The following DOCK3 variants were observed in gnomAD, a reference collection of about 807,000 sequenced individuals.
The protein encoded by DOCK3 is dedicator of cytokinesis 3, also known as dedicator of cytokinesis protein 3.
Under a neutral mutation model 265.6 loss-of-function variants are expected in DOCK3, and 60 were observed. That is an observed-to-expected ratio of 0.23 (90% CI 0.18 to 0.28). DOCK3 has a LOEUF of 0.28. Ranked by LOEUF, DOCK3 falls within the 10% of genes least tolerant of loss-of-function variation. The pLI, the probability that DOCK3 is intolerant of heterozygous loss-of-function variation, is 1.00. For missense variants in DOCK3, 1,981 were observed against 2,594.3 expected (o/e 0.76, Z 5.14); for synonymous variants, 881 against 938.0 (o/e 0.94, Z 1.11).
intron 1 of DOCK3, among the ~76,000 whole-genome samples, chr3:50,725,941 A>G (rs2033840857): frequency 6.6e-6 from 1 of 152,168 alleles, no homozygotes; most frequent in Non-Finnish European, 1.5e-5. Flanking sequence ...AAAATTCCCA[A>G]GTGATTCTTA....
Position 50,930,718 on chromosome 3 carries a change from G to A in DOCK3, c.219-3263G>A, listed in dbSNP as rs982169626. Among the ~76,000 whole-genome samples, 4 of 152,210 alleles carry A rather than the reference G, an allele frequency of 2.6e-5. No homozygotes were observed. The South Asian group carries it at 8.3e-4, about 32-fold the overall frequency. ...GATCACAGGCCTCGGGCCGGCAATTGGGAGTGATACTGTGCAGACCCTTAT... is the reference window on the plus strand; with the variant it reads ...GATCACAGGCCTCGGGCCGGCAATTAGGAGTGATACTGTGCAGACCCTTAT... On this transcript the variant is annotated intron_variant, in intron 4 of 52. Transcript: ENST00000266037.
intron 5 of DOCK3, among the ~76,000 whole-genome samples, chr3:50,997,839 CAAG>C (rs762560454): frequency 6.6e-6 from 1 of 152,062 alleles, no homozygotes; most frequent in African/African-American, 2.4e-5. Flanking sequence ...GGCCAATTAC[CAAG>C]AAGAGAAAAT....
intron 1 of DOCK3, among the ~76,000 whole-genome samples, chr3:50,700,378 T>C (rs906576501): frequency 6.6e-6 from 1 of 152,258 alleles, no homozygotes; most frequent in Non-Finnish European, 1.5e-5. Context: ...CTAGAACTTA[T>C]TTCTTCCGTC....
Position 50,962,553 on chromosome 3 carries a change from G to A in DOCK3, c.315+28476G>A, listed in dbSNP as rs1318116569. ...GCTAGTTAACTCTAAGAGCAACAAT[G>A]GTTTACACCACTTTTCTTTCTTAGA... is the stretch of plus-strand genomic sequence containing the variant. On this transcript the variant is annotated intron_variant, in intron 5 of 52. Coordinates refer to ENST00000266037, the MANE Select transcript of DOCK3 (RefSeq NM_004947.5). Among the ~76,000 whole-genome samples the A allele has an allele frequency of 2.6e-5, 4 of 152,100 alleles. 1 individual carries two copies. Among genetic ancestry groups the A allele is most frequent in the African/African-American group, 7.2e-5 (3 of 41,414 alleles).
intron 5 of DOCK3, among the ~76,000 whole-genome samples, chr3:50,982,736 T>A (rs1224127984): frequency 6.6e-6 from 1 of 152,150 alleles, no homozygotes; most frequent in Non-Finnish European, 1.5e-5. Context: ...GCAGTGGGGC[T>A]GGGCTGAGCT....
intron 9 of DOCK3, among the ~76,000 whole-genome samples, chr3:51,144,038 A>G (rs921509237): frequency 6.6e-6 from 1 of 152,214 alleles, no homozygotes; most frequent in Non-Finnish European, 1.5e-5. Context: ...GTTAATTTTT[A>G]TAAGCAAGGG....
At chr3:50,892,672 C>T (rs2048697608) in intron 4 of DOCK3, among the ~76,000 whole-genome samples, 1 of 152,032 alleles carries the variant, frequency 6.6e-6, no homozygotes, top group Admixed American at 6.6e-5. Context: ...GCAGGGGAAG[C>T]TAAGAACAAA....
At chr3:51,330,301 G>A (rs2084430416) in intron 33 of DOCK3, 78 bp downstream of exon 33, 1 of 1,380,028 alleles carries the variant, frequency 7.2e-7, no homozygotes, top group Non-Finnish European at 1.0e-6. Flanking sequence ...GGTTGCAACT[G>A]CACTGGCAGG....
intron 4 of DOCK3, among the ~76,000 whole-genome samples, chr3:50,904,175 G>A (rs2049349773): frequency 6.6e-6 from 1 of 152,168 alleles, no homozygotes; most frequent in African/African-American, 2.4e-5. Flanking sequence ...ATGGACATTT[G>A]CGTTGGTTCC....
In DOCK3 at chr3:51,270,882, T is replaced by G. The variant is rs2080458850; in HGVS notation, c.2423T>G (p.Val808Gly). The change falls in exon 24 of 53, where the codon GTG (valine) becomes GGG (glycine). Residue 808 changes from valine to glycine, a missense_variant. Physicochemically the swap from Val to Gly is moderately radical, Grantham distance 109. This residue lies in a region of DOCK3 where 1,357 missense variants were observed against 1,866.8 expected (regional missense o/e 0.73). Coordinates refer to ENST00000266037, the MANE Select transcript of DOCK3 (RefSeq NM_004947.5). Reference sequence around the variant, plus strand: ...CTGCAAATGTTCACCGTGCAAGAGGTGGCAGAGTTTGTGAGAGGGACACTG... The same window carrying G: ...CTGCAAATGTTCACCGTGCAAGAGGGGGCAGAGTTTGTGAGAGGGACACTG... The part of the protein sequence containing the change: ...ELLQMFTVQE[V>G]AEFVRGTLGS... 6.2e-7 allele frequency: 1 copy of G among 1,613,810 alleles called. No homozygotes were observed. The highest frequency in any genetic ancestry group is 1.3e-5 in the African/African-American group (1 of 74,894).
chr3:50,839,510 A>G (rs966866681), intron 2 of DOCK3, among the ~76,000 whole-genome samples: 1 of 152,088 alleles, frequency 6.6e-6, no homozygotes, highest in African/African-American at 2.4e-5. Context: ...GGTTCGGGAC[A>G]GTGTTCTGGA....
chr3:51,196,459 G>A (rs1021409445), intron 12 of DOCK3, among the ~76,000 whole-genome samples: 3 of 152,106 alleles, frequency 2.0e-5, no homozygotes, highest in Non-Finnish European at 4.4e-5. Flanking sequence ...TGCTAGACTT[G>A]AGGTGTTTTC....
rs560005873 is a variant in DOCK3, at chr3:51,023,545, A to G, written c.316-40903A>G. Among the ~76,000 whole-genome samples the G allele has an allele frequency of 2.0e-5, 3 of 152,182 alleles. No individual in the cohort carries two copies. In the East Asian group the frequency reaches 5.8e-4, roughly 30 times the overall value. On this transcript the variant is annotated intron_variant, in intron 5 of 52. Transcript: ENST00000266037. ...ATTCTCCTGCATCAGCCTCCTGAGT[A>G]GCTGGTACTACAGGTGCACACCACC...
At chr3:51,350,664 G>A (rs1447797823) in intron 40 of DOCK3, among the ~76,000 whole-genome samples, 2 of 152,198 alleles carry the variant, frequency 1.3e-5, no homozygotes, top group Non-Finnish European at 2.9e-5. Flanking sequence ...AGTGACCAGG[G>A]TCTAAGAGTG....
At chr3:50,787,328 G>C (rs2042235703) in intron 2 of DOCK3, 1 of 414,890 alleles carries the variant, frequency 2.4e-6, no homozygotes, top group Non-Finnish European at 4.4e-6. Context: ...CTGAGGTCAG[G>C]AGTTCGAGAC....
chr3:51,219,290 G>T (rs1050237225), intron 14 of DOCK3, among the ~76,000 whole-genome samples: 1 of 152,154 alleles, frequency 6.6e-6, no homozygotes, highest in African/African-American at 2.4e-5. Context: ...ATAGTTGGGT[G>T]TAAGTTCTGT....
chr3:50,811,311 G>A (rs1445714417), intron 2 of DOCK3, among the ~76,000 whole-genome samples: 2 of 152,092 alleles, frequency 1.3e-5, no homozygotes, highest in African/African-American at 4.8e-5. Context: ...GGCTGAGGCA[G>A]GAGGATCACT....
At chr3:50,983,561 G>C (rs1016280742) in intron 5 of DOCK3, among the ~76,000 whole-genome samples, 2 of 152,154 alleles carry the variant, frequency 1.3e-5, no homozygotes, top group Admixed American at 6.5e-5. Context: ...GCCTAGCAGA[G>C]AGGAGCTACC....
chr3:51,180,237 C>T (rs2087210190), intron 12 of DOCK3, among the ~76,000 whole-genome samples: 1 of 148,962 alleles, frequency 6.7e-6, no homozygotes, highest in South Asian at 2.1e-4. Context: ...CACACACACA[C>T]ACACAAGTGC....
Sources: gnomAD v4.1 joint callset for allele counts (sites outside exome capture counted in the v4.1 genomes callset) on GRCh38, gnomAD v4.1.1 for gene constraint, gnomAD v4.1.1 regional missense constraint, MANE v1.5 for transcripts, NCBI Gene and HGNC (gene_info 2026-07-23, HGNC 2026-07-21) for gene names.